The following CDK14 variants were observed in gnomAD, a reference collection of about 807,000 sequenced individuals.
CDK14 encodes the protein cyclin dependent kinase 14.
A neutral mutation model predicts 60.7 loss-of-function variants in CDK14; 34 were observed. That is an observed-to-expected ratio of 0.56 (90% confidence interval 0.43 to 0.75). CDK14 has a LOEUF of 0.75. Among genes scored for constraint, CDK14 ranks in the 30% least tolerant of loss-of-function variants. The probability of loss-of-function intolerance (pLI) is 0.00; values close to 1 mark genes in which losing one functional copy is unlikely to be tolerated. For synonymous variants in CDK14, 197 were observed against 203.7 expected (o/e 0.97, Z 0.28); for missense variants, 482 against 564.1 (o/e 0.85, Z 1.47).
chr7:90,683,121 AT>A (rs1801354521), intron 2 of CDK14, among the ~76,000 whole-genome samples: 1 of 152,156 alleles, frequency 6.6e-6, no homozygotes, highest in South Asian at 2.1e-4. Flanking sequence ...TAGAGTTAGC[AT>A]TCATCGATTT....
chr7:90,638,756 T>G (rs1405286760), intron 2 of CDK14, among the ~76,000 whole-genome samples: 1 of 152,190 alleles, frequency 6.6e-6, no homozygotes, highest in Non-Finnish European at 1.5e-5. Context: ...TCCTCGTCAC[T>G]TTCAGGTACA....
intron 13 of CDK14, 77 bp from the exon 14 acceptor site, chr7:91,117,988 C>A: frequency 1.3e-6 from 1 of 795,122 alleles, no homozygotes; most frequent in Non-Finnish European, 2.0e-6. Context: ...GCATCTCAGT[C>A]TCCATTTTTT....
At chr7:90,975,966 A>G (rs1028026035) in intron 9 of CDK14, among the ~76,000 whole-genome samples, 6 of 152,138 alleles carry the variant, frequency 3.9e-5, no homozygotes, top group African/African-American at 1.4e-4. Context: ...TTCATTTCCT[A>G]TCTTAGCTAT....
At chr7:90,991,204 T>C (rs558103291) in intron 10 of CDK14, among the ~76,000 whole-genome samples, 2 of 152,248 alleles carry the variant, frequency 1.3e-5, no homozygotes, top group East Asian at 1.9e-4. Flanking sequence ...TACTGGACTT[T>C]ATGTGATAGC....
chr7:90,839,831 G>GT (rs1049907030), intron 5 of CDK14, among the ~76,000 whole-genome samples: 7 of 151,888 alleles, frequency 4.6e-5, no homozygotes, highest in African/African-American at 7.3e-5. Context: ...GCATAGTGAA[G>GT]TTTTTTTTCC....
At chr7:90,740,641 C>T (rs1000159669) in intron 3 of CDK14, among the ~76,000 whole-genome samples, 1 of 152,128 alleles carries the variant, frequency 6.6e-6, no homozygotes, top group Non-Finnish European at 1.5e-5. Context: ...AAACTGTGAA[C>T]AAATAAATTT....
At chr7:91,063,240 A>C (rs550081858) in intron 11 of CDK14, among the ~76,000 whole-genome samples, 1 of 152,332 alleles carries the variant, frequency 6.6e-6, no homozygotes, top group African/African-American at 2.4e-5. Context: ...TAGCTCCTTC[A>C]AGACAAATGC....
In CDK14 at chr7:90,826,943, G is replaced by C. The variant is rs74412480; in HGVS notation, c.545-36232G>C. On this transcript the variant is annotated intron_variant, in intron 5 of 14. Transcript: ENST00000380050. ...GTTCACTCTGTTGTATAGTTCTTTGGGTTTTGACAAGTGCATGATGTATTT... is the reference window on the plus strand; with the variant it reads ...GTTCACTCTGTTGTATAGTTCTTTGCGTTTTGACAAGTGCATGATGTATTT... 6.6e-3 allele frequency among the ~76,000 whole-genome samples: 911 copies of C among 138,036 alleles called. 15 individuals are homozygous for C. The highest frequency in any genetic ancestry group is 0.024 in the African/African-American group (862 of 36,058). 90.6% of individuals were successfully genotyped at this position (138,036 alleles called of 152,430 possible). A position where few individuals can be genotyped will look rare whatever the true frequency, so the allele number is the denominator to read the frequency against.
intron 8 of CDK14, among the ~76,000 whole-genome samples, chr7:90,944,151 A>T (rs964138648): frequency 6.6e-6 from 1 of 152,220 alleles, no homozygotes; most frequent in African/African-American, 2.4e-5. Context: ...TGCCAATCAG[A>T]TGCAGCTGCC....
intron 7 of CDK14, among the ~76,000 whole-genome samples, chr7:90,912,819 C>T (rs1362133230): frequency 1.3e-5 from 2 of 152,088 alleles, no homozygotes; most frequent in African/African-American, 4.8e-5. Context: ...GCCATGTTGT[C>T]TAGGCTGGTC....
At chr7:90,780,577 C>T in intron 4 of CDK14, among the ~76,000 whole-genome samples, 1 of 113,844 alleles carries the variant, frequency 8.8e-6, no homozygotes. Context: ...CCTCCCCCCT[C>T]CCCCCACCCC....
intron 2 of CDK14, among the ~76,000 whole-genome samples, chr7:90,686,797 T>C (rs534301721): frequency 2.4e-4 from 37 of 152,278 alleles, no homozygotes; most frequent in East Asian, 1.7e-3. Context: ...TAAAGATTTG[T>C]TGGGAGAATC....
chr7:91,192,692 A>G (rs1446489543), intron 14 of CDK14, among the ~76,000 whole-genome samples: 2 of 152,246 alleles, frequency 1.3e-5, no homozygotes, highest in Non-Finnish European at 2.9e-5. Context: ...GTGGTATTTA[A>G]TATCAGTAGT....
At chr7:91,020,377 C>T (rs1451822274) in intron 10 of CDK14, among the ~76,000 whole-genome samples, 4 of 152,206 alleles carry the variant, frequency 2.6e-5, no homozygotes, top group Non-Finnish European at 5.9e-5. Flanking sequence ...ATTTTTACCA[C>T]CTACTCAATG....
At chr7:91,115,881 G>A (rs1484637561) in intron 13 of CDK14, among the ~76,000 whole-genome samples, 1 of 152,144 alleles carries the variant, frequency 6.6e-6, no homozygotes, top group African/African-American at 2.4e-5. Flanking sequence ...AACCTCATCA[G>A]GTTACATAGT....
intron 12 of CDK14, among the ~76,000 whole-genome samples, chr7:91,108,316 A>G (rs979296691): frequency 3.3e-5 from 5 of 152,214 alleles, no homozygotes; most frequent in Non-Finnish European, 7.3e-5. Flanking sequence ...CAAAAAAGAA[A>G]AAAGAGAAGC....
intron 4 of CDK14, among the ~76,000 whole-genome samples, chr7:90,768,171 CA>C (rs1804642892): frequency 6.6e-6 from 1 of 152,148 alleles, no homozygotes; most frequent in Non-Finnish European, 1.5e-5. Context: ...TGGAGAGAAC[CA>C]CTGTATTTAA....
At chr7:90,980,555 C>T (rs531159595) in intron 9 of CDK14, among the ~76,000 whole-genome samples, 1 of 152,170 alleles carries the variant, frequency 6.6e-6, no homozygotes, top group Admixed American at 6.5e-5. Flanking sequence ...GCTCTTATTG[C>T]TGTGTGGCAA....
intron 14 of CDK14, among the ~76,000 whole-genome samples, chr7:91,166,831 T>G (rs1280822678): frequency 1.3e-5 from 2 of 152,208 alleles, no homozygotes; most frequent in African/African-American, 2.4e-5. Context: ...CTGGGCAGTC[T>G]CTGTGCTCTT....
Sources: gnomAD v4.1 joint callset for allele counts (sites outside exome capture counted in the v4.1 genomes callset) on GRCh38, gnomAD v4.1.1 for gene constraint, MANE v1.5 for transcripts, NCBI Gene and HGNC (gene_info 2026-07-23, HGNC 2026-07-21) for gene names.